The following CCDC192 variants were observed in gnomAD, a reference collection of about 807,000 sequenced individuals.
The protein encoded by CCDC192 is coiled-coil domain-containing protein 192.
chr5:127,899,089 A>G (rs1752971214), intron 6 of CCDC192, among the ~76,000 whole-genome samples: 1 of 152,186 alleles, frequency 6.6e-6, no homozygotes, highest in South Asian at 2.1e-4. Flanking sequence ...TTAGTTTCAT[A>G]TGTTATACAA....
At chr5:127,829,692 T>G (rs1043252487) in intron 5 of CCDC192, among the ~76,000 whole-genome samples, 1 of 152,196 alleles carries the variant, frequency 6.6e-6, no homozygotes, top group African/African-American at 2.4e-5. Flanking sequence ...TATTGGTCTA[T>G]TTTTTTAAAG....
intron 2 of CCDC192, among the ~76,000 whole-genome samples, chr5:127,714,564 C>CT (rs931405894): frequency 6.6e-6 from 1 of 151,854 alleles, no homozygotes; most frequent in African/African-American, 2.4e-5. Flanking sequence ...AACTTTTGTA[C>CT]TTTTTTTTAA....
chr5:127,822,758 C>T (rs937702399), intron 5 of CCDC192, among the ~76,000 whole-genome samples: 3 of 152,134 alleles, frequency 2.0e-5, no homozygotes, highest in African/African-American at 7.2e-5. Flanking sequence ...TTTCAGGGCA[C>T]AGGTCTCTGC....
At chr5:127,725,051 AG>A (rs1278795488) in intron 2 of CCDC192, among the ~76,000 whole-genome samples, 5 of 152,206 alleles carry the variant, frequency 3.3e-5, no homozygotes, top group African/African-American at 1.2e-4. Flanking sequence ...TTTTAATAAA[AG>A]TTAAACATAG....
rs142241731 is a variant in CCDC192 at position 127,770,902 on chromosome 5, G to A, written c.222+16527G>A. ...CAAGGGTGGACTATAATTGGCTTCC[G>A]TTTTTATGCCTGCTTTATTTGGAGA... On this transcript the variant is annotated intron_variant, in intron 3 of 6. Transcript: ENST00000514853. Among the ~76,000 whole-genome samples, 223 of 152,228 alleles carry A rather than the reference G, an allele frequency of 1.5e-3. 2 individuals are homozygous for A. The highest frequency in any genetic ancestry group is 4.4e-3 in the African/African-American group (181 of 41,522).
At position 127,750,028 on chromosome 5, in the gene CCDC192, C is replaced by T. The variant is rs572179643; in HGVS notation, c.115-4240C>T. Among the ~76,000 whole-genome samples the T allele has an allele frequency of 9.3e-3, 1,412 of 151,852 alleles. 24 individuals carry two copies. The highest frequency in any genetic ancestry group is 0.032 in the African/African-American group (1,318 of 41,410). On this transcript the variant is annotated intron_variant, in intron 2 of 6. Coordinates refer to ENST00000514853, the MANE Select transcript of CCDC192 (RefSeq NM_001317938.2). ...TTTTTTTCTTTATTAGTCTTGCTAG[C>T]GGTCTATCAATTTTGTTGATCCTTT... is the stretch of plus-strand genomic sequence containing the variant.
chr5:127,938,159 A>G (rs1354211060), intron 6 of CCDC192, among the ~76,000 whole-genome samples: 1 of 152,182 alleles, frequency 6.6e-6, no homozygotes, highest in African/African-American at 2.4e-5. Context: ...TTTAAGGAGT[A>G]GCTTAGGGAC....
chr5:127,930,443 T>G (rs1753996572), intron 6 of CCDC192, among the ~76,000 whole-genome samples: 1 of 152,218 alleles, frequency 6.6e-6, no homozygotes, highest in Non-Finnish European at 1.5e-5. Context: ...CATTTTTACC[T>G]TGTGGCTTCT....
At chr5:127,807,575 A>G (rs571271415) in intron 5 of CCDC192, among the ~76,000 whole-genome samples, 100 of 152,252 alleles carry the variant, frequency 6.6e-4, no homozygotes, top group African/African-American at 2.3e-3. Context: ...CAGTTGTTCA[A>G]TCAGTCCTTC....
At chr5:127,717,967 CA>C (rs796781515) in intron 2 of CCDC192, among the ~76,000 whole-genome samples, 12 of 122,918 alleles carry the variant, frequency 9.8e-5, no homozygotes, top group African/African-American at 3.5e-4. Flanking sequence ...CAAAACAAAA[CA>C]AAAAAAACAC....
At chr5:127,712,896 C>T (rs1388195433) in intron 2 of CCDC192, among the ~76,000 whole-genome samples, 4 of 152,116 alleles carry the variant, frequency 2.6e-5, no homozygotes, top group South Asian at 4.1e-4. Flanking sequence ...AATTTTAGTT[C>T]GTCTACATTC....
chr5:127,925,569 C>T (rs1338682443), intron 6 of CCDC192, among the ~76,000 whole-genome samples: 1 of 151,986 alleles, frequency 6.6e-6, no homozygotes, highest in Non-Finnish European at 1.5e-5. Flanking sequence ...AAACTAAAAG[C>T]AAGTAGCACA....
chr5:127,719,408 TATAC>T (rs1196557155), intron 2 of CCDC192, among the ~76,000 whole-genome samples: 4 of 146,884 alleles, frequency 2.7e-5, no homozygotes, highest in South Asian at 2.1e-4. Context: ...ATATTTTATA[TATAC>T]ATACATATAT....
rs75528461 is a variant in CCDC192, at chr5:127,801,455, C to G, written c.411+3293C>G. Among the ~76,000 whole-genome samples, 677 of 151,974 alleles carry G rather than the reference C, an allele frequency of 4.5e-3. 3 individuals carry two copies. The highest frequency in any genetic ancestry group is 7.5e-3 in the Non-Finnish European group (509 of 67,940). On this transcript the variant is annotated intron_variant, in intron 5 of 6. Coordinates refer to ENST00000514853, the MANE Select transcript of CCDC192 (RefSeq NM_001317938.2). The stretch of plus-strand genomic sequence containing the variant: ...GAAGTTTCCAAAGCATAGTCCCTGC[C>G]CCTCATCTTCTCTTCTCCCTCACTC...
intron 6 of CCDC192, among the ~76,000 whole-genome samples, chr5:127,886,359 C>T (rs892940746): frequency 6.6e-6 from 1 of 152,182 alleles, no homozygotes; most frequent in Non-Finnish European, 1.5e-5. Flanking sequence ...GAGGAGCCCT[C>T]AGTCACAGAC....
At chr5:127,897,544 A>C (rs1752928324) in intron 6 of CCDC192, among the ~76,000 whole-genome samples, 1 of 152,244 alleles carries the variant, frequency 6.6e-6, no homozygotes, top group South Asian at 2.1e-4. Context: ...GGCCACTTTT[A>C]GAGGAAGAAA....
intron 6 of CCDC192, among the ~76,000 whole-genome samples, chr5:127,933,143 A>G (rs975357884): frequency 3.9e-5 from 6 of 152,104 alleles, no homozygotes; most frequent in African/African-American, 1.2e-4. Context: ...TCTGGAGAGG[A>G]GGAAGGAGGA....
intron 5 of CCDC192, among the ~76,000 whole-genome samples, chr5:127,832,627 G>C (rs575147820): frequency 6.6e-6 from 1 of 152,220 alleles, no homozygotes; most frequent in South Asian, 2.1e-4. Context: ...AGGGAAAACA[G>C]AACTGGGGAT....
At chr5:127,907,668 G>T (rs1213607475) in intron 6 of CCDC192, among the ~76,000 whole-genome samples, 1 of 152,086 alleles carries the variant, frequency 6.6e-6, no homozygotes, top group African/African-American at 2.4e-5. Context: ...ACTTCAAAAG[G>T]GTTTAAATTT....
Sources: allele counts gnomAD v4.1 joint callset (sites outside exome capture counted in the v4.1 genomes callset), GRCh38; gene constraint gnomAD v4.1.1; transcripts MANE v1.5; gene names NCBI Gene and HGNC (gene_info 2026-07-23, HGNC 2026-07-21).